Variants in BCAS3 observed in about 807,000 individuals in gnomAD.
BCAS3 encodes BCAS4/BCAS3 fusion.
In BCAS3, 53 loss-of-function variants were observed where a neutral mutation model predicts 116.1. That is an observed-to-expected ratio of 0.46 (90% CI 0.37 to 0.57). The LOEUF (loss-of-function observed/expected upper bound fraction) is 0.57. Ranked by LOEUF, BCAS3 falls within the 20% of genes least tolerant of loss-of-function variation. The probability of loss-of-function intolerance (pLI) is 0.00; values close to 1 mark genes in which losing one functional copy is unlikely to be tolerated. For synonymous variants in BCAS3, 391 were observed against 408.2 expected (o/e 0.96, Z 0.51); for missense variants, 917 against 1,165.4 (o/e 0.79, Z 3.10).
intron 22 of BCAS3, among the ~76,000 whole-genome samples, chr17:61,236,699 T>C (rs547982430): frequency 1.3e-5 from 2 of 151,872 alleles, no homozygotes; most frequent in East Asian, 3.9e-4. Flanking sequence ...TATAAAAAGA[T>C]GGTATAAAGT....
intron 7 of BCAS3, among the ~76,000 whole-genome samples, chr17:60,862,950 A>G (rs1395914218): frequency 6.6e-6 from 1 of 152,112 alleles, no homozygotes; most frequent in Non-Finnish European, 1.5e-5. Context: ...ATCTATTTTC[A>G]TGCATTTCTT....
At chr17:61,062,782 A>G (rs542226947) in intron 19 of BCAS3, among the ~76,000 whole-genome samples, 1 of 152,328 alleles carries the variant, frequency 6.6e-6, no homozygotes, top group East Asian at 1.9e-4. Context: ...AATTATGTCA[A>G]TGCTGTCTTT....
chr17:60,988,338 C>CTTTTTTTTTCTTTTTTT (rs2063296657), intron 14 of BCAS3, among the ~76,000 whole-genome samples: 1 of 66,762 alleles, frequency 1.5e-5, no homozygotes, highest in Non-Finnish European at 2.9e-5. Context: ...TTTTCTTTTT[C>CTTTTTTTTTCTTTTTTT]TTTTTTTTTT....
At chr17:60,973,586 A>ATATAT (rs752524305) in intron 14 of BCAS3, among the ~76,000 whole-genome samples, 1,875 of 137,918 alleles carry the variant, frequency 0.014, 107 homozygotes, top group African/African-American at 0.051. Flanking sequence ...CCTTATTATT[A>ATATAT]ATATATATAT....
intron 7 of BCAS3, among the ~76,000 whole-genome samples, chr17:60,831,317 C>T (rs1222360003): frequency 6.6e-6 from 1 of 152,070 alleles, no homozygotes; most frequent in East Asian, 1.9e-4. Context: ...GCTGGGACTA[C>T]AGGCGCGTGC....
chr17:61,219,487 G>C lies in BCAS3; in HGVS notation c.2425+134923G>C, dbSNP rs1397654802. On this transcript the variant is annotated intron_variant, in intron 22 of 23. Coordinates refer to ENST00000407086, the MANE Select transcript of BCAS3 (RefSeq NM_017679.5). The surrounding 1 kb of genome is among the most constrained non-coding windows in gnomAD (Gnocchi z 5.2). ...CTCAGGGAGTTTATGAAATTTTGAT[G>C]TAGAAATTAGATTGTTGCTTATCTT... Among the ~76,000 whole-genome samples, 23 of 152,172 alleles carry C rather than the reference G, an allele frequency of 1.5e-4. No homozygotes were observed. Among genetic ancestry groups the C allele is most frequent in the Admixed American group, 1.5e-3 (23 of 15,278 alleles).
rs566289974 is a variant in BCAS3, at chr17:61,227,671, C to T, written c.2426-140656C>T. On this transcript the variant is annotated intron_variant, in intron 22 of 23. Coordinates refer to ENST00000407086, the MANE Select transcript of BCAS3 (RefSeq NM_017679.5). The surrounding 1 kb of genome is among the most constrained non-coding windows in gnomAD (Gnocchi z 6.1). ...ATAGGTCCTGTTAATTTACACCAGC[C>T]CATCAGGTTGGAGCACACTCGGGAA... Among the ~76,000 whole-genome samples the T allele has an allele frequency of 8.6e-4, 131 of 152,244 alleles. 1 individual carries two copies. Among genetic ancestry groups the T allele is most frequent in the African/African-American group, 3.0e-3 (125 of 41,558 alleles).
chr17:61,345,888 G>A (rs2057476913), intron 22 of BCAS3, among the ~76,000 whole-genome samples: 1 of 152,144 alleles, frequency 6.6e-6, no homozygotes, highest in African/African-American at 2.4e-5. Context: ...AGACAAATAG[G>A]AAGTTTTATG....
At chr17:60,801,663 C>A (rs1452792556) in intron 6 of BCAS3, among the ~76,000 whole-genome samples, 1 of 152,146 alleles carries the variant, frequency 6.6e-6, no homozygotes, top group Non-Finnish European at 1.5e-5. Context: ...CACTTGAATT[C>A]CCGATCCTAT....
intron 22 of BCAS3, among the ~76,000 whole-genome samples, chr17:61,263,541 G>A (rs1185401872): frequency 1.3e-5 from 2 of 152,252 alleles, no homozygotes; most frequent in Admixed American, 6.5e-5. Flanking sequence ...GGTGAAGAGT[G>A]GAAAGTGTTT....
chr17:60,893,433 C>G (rs1404473821), intron 10 of BCAS3, among the ~76,000 whole-genome samples: 1 of 151,830 alleles, frequency 6.6e-6, no homozygotes, highest in African/African-American at 2.4e-5. Flanking sequence ...AGATAGGGGT[C>G]TGGTTTCATT....
chr17:61,318,367 A>G (rs544184513), intron 22 of BCAS3, among the ~76,000 whole-genome samples: 22 of 152,142 alleles, frequency 1.4e-4, no homozygotes, highest in African/African-American at 4.6e-4. Flanking sequence ...TCCTGTCTGC[A>G]CTCCTTGGTG....
At chr17:61,076,944 C>A (rs919707771) in intron 20 of BCAS3, among the ~76,000 whole-genome samples, 4 of 152,086 alleles carry the variant, frequency 2.6e-5, no homozygotes, top group African/African-American at 9.7e-5. Flanking sequence ...CTCTGTGAAC[C>A]TTTTCAGTTA....
chr17:60,780,503 A>G (rs1176955600), intron 6 of BCAS3, among the ~76,000 whole-genome samples: 2 of 151,614 alleles, frequency 1.3e-5, no homozygotes, highest in African/African-American at 4.8e-5. Context: ...GGGTTTCACT[A>G]TGTTGGCCAG....
intron 16 of BCAS3, among the ~76,000 whole-genome samples, 193 bp downstream of exon 16, chr17:61,016,094 A>T (rs1415911267): frequency 2.6e-5 from 4 of 152,208 alleles, no homozygotes; most frequent in African/African-American, 9.6e-5. Flanking sequence ...ATGTATACAC[A>T]CATTCATCGA....
In BCAS3 at chr17:61,208,569, C is replaced by T. The variant is rs1466498339; in HGVS notation, c.2425+124005C>T. Among the ~76,000 whole-genome samples the T allele has an allele frequency of 6.6e-6, 1 of 152,124 alleles. No homozygotes were observed. Among genetic ancestry groups the T allele is most frequent in the Non-Finnish European group, 1.5e-5 (1 of 68,018 alleles). On this transcript the variant is annotated intron_variant, in intron 22 of 23. Coordinates refer to ENST00000407086, the MANE Select transcript of BCAS3 (RefSeq NM_017679.5). The surrounding 1 kb of genome is among the most constrained non-coding windows in gnomAD (Gnocchi z 4.5). The stretch of plus-strand genomic sequence containing the variant: ...TGTTCTGAAAAGAGAGAGGGAGAAA[C>T]AAAGCACGTGGTCATCCCAAATGCT...
At chr17:60,947,768 T>G (rs1445868881) in intron 14 of BCAS3, among the ~76,000 whole-genome samples, 1 of 152,186 alleles carries the variant, frequency 6.6e-6, no homozygotes. Flanking sequence ...TATACAAAAA[T>G]AGTTTCATGA....
intron 14 of BCAS3, among the ~76,000 whole-genome samples, chr17:60,984,763 A>G (rs1265868933): frequency 6.6e-6 from 1 of 152,056 alleles, no homozygotes; most frequent in Non-Finnish European, 1.5e-5. Context: ...TAATCCCAGC[A>G]TTTTGGGAGG....
chr17:61,191,748 C>T (rs1601821756), intron 22 of BCAS3, among the ~76,000 whole-genome samples: 1 of 144,436 alleles, frequency 6.9e-6, no homozygotes, highest in African/African-American at 2.8e-5. Flanking sequence ...GCACTCCAGC[C>T]TGGGCAACAG....
Sources: gnomAD v4.1 joint callset for allele counts (sites outside exome capture counted in the v4.1 genomes callset) on GRCh38, gnomAD v4.1.1 for gene constraint, Gnocchi (gnomAD v3.1) non-coding constraint, MANE v1.5 for transcripts, NCBI Gene and HGNC (gene_info 2026-07-23, HGNC 2026-07-21) for gene names.